KHDRBS1: variants seen among roughly 807,000 people sequenced by gnomAD.
KHDRBS1 encodes the protein KH RNA binding domain containing, signal transduction associated 1, also known as KH domain-containing, RNA-binding, signal transduction-associated protein 1.
KHDRBS1 carries 7 observed loss-of-function variants against 48.4 expected under a neutral mutation model. The observed-to-expected ratio is 0.14, with a 90% CI of 0.08 to 0.27. KHDRBS1 has a LOEUF of 0.27. KHDRBS1 is among the 10% of genes least tolerant of loss of function. The pLI is 1.00. For missense variants in KHDRBS1, 458 were observed against 601.2 expected (o/e 0.76, Z 2.49); for synonymous variants, 241 against 235.8 (o/e 1.02, Z -0.20).
At chr1:32,058,111 T>A (rs1639501098) in intron 10 of KHDRBS1, among the ~76,000 whole-genome samples, 1 of 147,916 alleles carries the variant, frequency 6.8e-6, no homozygotes, top group East Asian at 2.2e-4. Context: ...AGAGTGAAAC[T>A]GTCTCAAAAA....
intron 1 of KHDRBS1, among the ~76,000 whole-genome samples, chr1:32,022,441 G>A (rs973168314): frequency 6.6e-6 from 1 of 152,180 alleles, no homozygotes; most frequent in African/African-American, 2.4e-5. Context: ...GCTGTGTTTA[G>A]AAGTGTAGAA....
intron 1 of KHDRBS1, among the ~76,000 whole-genome samples, chr1:32,020,699 A>G (rs915508972): frequency 6.6e-6 from 1 of 152,184 alleles, no homozygotes; most frequent in African/African-American, 2.4e-5. Flanking sequence ...AAGAAAGCCA[A>G]TCTCAAAAGG....
At chr1:32,033,779 A>G (rs1021395756) in intron 4 of KHDRBS1, among the ~76,000 whole-genome samples, 7 of 152,134 alleles carry the variant, frequency 4.6e-5, no homozygotes, top group Admixed American at 3.9e-4. Flanking sequence ...ATCTAGTGTT[A>G]TTGGGTTAAA....
At chr1:32,056,726 G>A (rs114221184) in intron 10 of KHDRBS1, among the ~76,000 whole-genome samples, 2,162 of 152,294 alleles carry the variant, frequency 0.014, 22 homozygotes, top group Non-Finnish European at 0.02. Flanking sequence ...CTGCCTTTGA[G>A]AAAGAGAAAT....
chr1:32,030,604 A>T (rs1268236786), intron 2 of KHDRBS1, among the ~76,000 whole-genome samples, 182 bp downstream of exon 2: 2 of 152,238 alleles, frequency 1.3e-5, no homozygotes, highest in Non-Finnish European at 1.5e-5. Flanking sequence ...CTAATAACAT[A>T]GCTATAGCCA....
At chr1:32,055,309 G>A (rs747054855) in intron 10 of KHDRBS1, among the ~76,000 whole-genome samples, 1 of 152,210 alleles carries the variant, frequency 6.6e-6, no homozygotes, top group East Asian at 1.9e-4. Flanking sequence ...TTAGCCGGAC[G>A]TGGTGGCGCG....
Position 32,014,122 on chromosome 1 carries a change from C to T in KHDRBS1, c.127C>T (p.Arg43Trp), listed in dbSNP as rs1638684186. The change falls in exon 1 of 9, where the codon CGG becomes TGG. Residue 43 changes from arginine to tryptophan, a missense_variant. Physicochemically the swap from Arg to Trp is moderately radical, Grantham distance 101. This residue lies in a region of KHDRBS1 where 213 missense variants were observed against 215.6 expected (regional missense o/e 0.99). Transcript: ENST00000327300. ...GTCTCGGCAGCCGCCGCTGCCTCAC[C>T]GGTCCCGGGGAGGCGGAGGGGGATC... Reference protein sequence around the residue: ...TPSRQPPLPHRSRGGGGGSRG... With the variant: ...TPSRQPPLPHWSRGGGGGSRG... 7.1e-7 allele frequency: 1 copy of T among 1,412,476 alleles called. No individual in the cohort carries two copies. The highest frequency in any genetic ancestry group is 9.2e-7 in the Non-Finnish European group (1 of 1,084,212). The allele number at this position is 1,412,476 out of a possible 1,614,324, so 87.5% of individuals were successfully genotyped here.
chr1:32,037,903 G>C lies in KHDRBS1; in HGVS notation c.974G>C (p.Arg325Thr). ...RGTPVRGAIT[R>T]GATVTRGVPP... is the part of the protein sequence containing the mutation. ...ACACCAGTAAGGGGAGCCATCACCA[G>C]AGGTGCCACTGTGACTCGAGGCGTG... is the stretch of plus-strand genomic sequence containing the variant. The change falls in exon 6 of 9, where the codon AGA becomes ACA. Residue 325 changes from arginine to threonine, a missense_variant. Coordinates refer to ENST00000327300, the MANE Select transcript of KHDRBS1 (RefSeq NM_006559.3). 6.2e-7 allele frequency: 1 copy of C among 1,614,272 alleles called. No individual in the cohort carries two copies. The highest frequency in any genetic ancestry group is 8.5e-7 in the Non-Finnish European group (1 of 1,180,048).
intron 1 of KHDRBS1, among the ~76,000 whole-genome samples, chr1:32,025,939 T>A (rs1415136497): frequency 5.4e-4 from 80 of 147,266 alleles, no homozygotes; most frequent in African/African-American, 2.1e-3. Flanking sequence ...ATTTATTTAT[T>A]TATTTATTTA....
chr1:32,014,101 C>T lies in KHDRBS1; in HGVS notation c.106C>T (p.Arg36Trp). The change falls in exon 1 of 9, where the codon CGG (arginine) becomes TGG (tryptophan). Residue 36 changes from arginine (R) to tryptophan (W), a missense_variant. This residue lies in a region of KHDRBS1 where 213 missense variants were observed against 215.6 expected (regional missense o/e 0.99). Transcript: ENST00000327300. Reference protein sequence around the residue: ...AHPSVRQTPSRQPPLPHRSRG... With the variant: ...AHPSVRQTPSWQPPLPHRSRG... ...CCCCTCGGTGCGTCAGACGCCGTCT[C>T]GGCAGCCGCCGCTGCCTCACCGGTC... 1 of 1,435,804 alleles carries T rather than the reference C, an allele frequency of 7.0e-7. No individual in the cohort carries two copies. The highest frequency in any genetic ancestry group is 9.1e-7 in the Non-Finnish European group (1 of 1,096,486). The allele number at this position is 1,435,804 out of a possible 1,614,324, so 88.9% of individuals were successfully genotyped here.
At chr1:32,014,412 G>T (rs1638693166) in intron 1 of KHDRBS1, 35 bp downstream of exon 1, 1 of 1,295,992 alleles carries the variant, frequency 7.7e-7, no homozygotes, top group Non-Finnish European at 9.9e-7. Flanking sequence ...TGGGTCGCCC[G>T]GCCATCCCGG....
In KHDRBS1 at chr1:32,043,505, C is replaced by T. The variant is rs967893789; in HGVS notation, c.*881C>T. On this transcript the variant is annotated 3_prime_UTR_variant, in exon 9 of 9. Transcript: ENST00000327300. Reference sequence around the variant, plus strand: ...GTCATAGTACTAATAATTAAATTTTCAGTATTTAAAAAGACAAAGTATTTT... The same window carrying T: ...GTCATAGTACTAATAATTAAATTTTTAGTATTTAAAAAGACAAAGTATTTT... The T allele has an allele frequency of 1.3e-5, 2 of 152,514 alleles. No homozygotes were observed. The highest frequency in any genetic ancestry group is 4.8e-5 in the African/African-American group (2 of 41,416). The allele number at this position is 152,514 out of a possible 1,614,324, so 9.4% of individuals were successfully genotyped here. A position where few individuals can be genotyped will look rare whatever the true frequency, so the allele number is the denominator to read the frequency against.
intron 1 of KHDRBS1, among the ~76,000 whole-genome samples, chr1:32,026,657 G>A (rs1638976425): frequency 6.6e-6 from 1 of 152,210 alleles, no homozygotes. Context: ...GAGTATAGCA[G>A]ATGAACAGAC....
At chr1:32,021,739 C>T (rs1186191765) in intron 1 of KHDRBS1, among the ~76,000 whole-genome samples, 1 of 152,034 alleles carries the variant, frequency 6.6e-6, no homozygotes, top group Non-Finnish European at 1.5e-5. Context: ...GCCTCAGCCT[C>T]TCAAGTAACT....
intron 1 of KHDRBS1, among the ~76,000 whole-genome samples, chr1:32,029,396 G>A (rs1282524056): frequency 3.3e-5 from 5 of 152,108 alleles, no homozygotes; most frequent in East Asian, 1.9e-4. Context: ...GGTGGCTCAC[G>A]CCTGTAATCC....
At chr1:32,055,018 T>A (rs1639464188) in intron 10 of KHDRBS1, among the ~76,000 whole-genome samples, 1 of 152,194 alleles carries the variant, frequency 6.6e-6, no homozygotes, top group South Asian at 2.1e-4. Context: ...CTGAAGTCTT[T>A]ATGTTCCTCC....
chr1:32,018,073 A>C (rs1638779469), intron 1 of KHDRBS1, among the ~76,000 whole-genome samples: 2 of 152,242 alleles, frequency 1.3e-5, no homozygotes, highest in Non-Finnish European at 2.9e-5. Flanking sequence ...TTGAAACTTC[A>C]AAATAGTTAA....
chr1:32,037,073 G>A, intron 5 of KHDRBS1, 30 bp downstream of exon 5: 2 of 1,609,322 alleles, frequency 1.2e-6, no homozygotes, highest in South Asian at 1.1e-5. Context: ...CCAGAAATAG[G>A]ATGTGAATTT....
chr1:32,048,392 C>T (rs1477234431), downstream of KHDRBS1, among the ~76,000 whole-genome samples: 2 of 152,120 alleles, frequency 1.3e-5, no homozygotes, highest in African/African-American at 4.8e-5. Flanking sequence ...CACCTCTTAT[C>T]CTAGCTACTC....
Sources: allele counts gnomAD v4.1 joint callset (sites outside exome capture counted in the v4.1 genomes callset), GRCh38; gene constraint gnomAD v4.1.1; regional missense constraint gnomAD v4.1.1; transcripts MANE v1.5; gene names NCBI Gene and HGNC (gene_info 2026-07-23, HGNC 2026-07-21).